CSMD2: variants seen among roughly 807,000 people sequenced by gnomAD.
CSMD2 encodes the protein CUB and sushi domain-containing protein 2.
A neutral mutation model predicts 398.5 loss-of-function variants in CSMD2; 130 were observed. The ratio of observed to expected loss-of-function variants is 0.33; its 90% CI spans 0.28 to 0.38. The LOEUF is 0.38. CSMD2 is among the 10% of genes least tolerant of loss of function. The pLI, the probability that CSMD2 is intolerant of heterozygous loss-of-function variation, is 1.00. For synonymous variants in CSMD2, 1,828 were observed against 1,908.5 expected, an observed-to-expected ratio of 0.96 and a Z score of 1.10; for missense variants, 3,829 against 4,764.9, an observed-to-expected ratio of 0.80 and a Z score of 5.78.
At chr1:34,069,885 C>T (rs1391105240) in intron 2 of CSMD2, among the ~76,000 whole-genome samples, 1 of 152,112 alleles carries the variant, frequency 6.6e-6, no homozygotes, top group Non-Finnish European at 1.5e-5. Flanking sequence ...AACATTTGTG[C>T]AATTTAAATC....
At chr1:33,541,412 G>A (rs780482916) in intron 58 of CSMD2, 103 bp from the exon 59 acceptor site, 7 of 863,154 alleles carry the variant, frequency 8.1e-6, no homozygotes, top group Non-Finnish European at 1.3e-5. Context: ...AAGGGAAACT[G>A]TCAGATCAGG....
chr1:33,938,960 G>A (rs1007760274), intron 3 of CSMD2, among the ~76,000 whole-genome samples: 2 of 148,922 alleles, frequency 1.3e-5, no homozygotes, highest in Non-Finnish European at 3.0e-5. Flanking sequence ...CCATGCTGCT[G>A]GCTTAGTTGG....
At chr1:33,915,298 G>A (rs748758989) in intron 5 of CSMD2, among the ~76,000 whole-genome samples, 5 of 152,138 alleles carry the variant, frequency 3.3e-5, no homozygotes, top group African/African-American at 1.2e-4. Flanking sequence ...AATTTTTACA[G>A]GAATCCAGGG....
intron 12 of CSMD2, among the ~76,000 whole-genome samples, chr1:33,782,441 A>G (rs1406757241): frequency 2.0e-5 from 3 of 152,284 alleles, no homozygotes; most frequent in East Asian, 3.9e-4. Context: ...AAAGATAACC[A>G]TTCATCAGCC....
rs57125037 is a variant in CSMD2 at position 34,163,696 on chromosome 1, G to A, written c.187+1215C>T. Among the ~76,000 whole-genome samples the A allele has an allele frequency of 0.049, 7,514 of 152,210 alleles. 241 individuals are homozygous for A. Among genetic ancestry groups the A allele is most frequent in the Admixed American group, 0.088 (1,343 of 15,294 alleles). ...AACAAAAAAGAAAACACGGCTCCAG[G>A]TCGAAGGTGCCCTAGGTCTAGGCCT... On this transcript the variant is annotated intron_variant, in intron 1 of 70. Transcript: ENST00000373381. The surrounding 1 kb of genome is among the most constrained non-coding windows in gnomAD (Gnocchi z 5.4).
chr1:33,852,936 A>G (rs1016015651), intron 5 of CSMD2, among the ~76,000 whole-genome samples: 3 of 152,344 alleles, frequency 2.0e-5, no homozygotes, highest in East Asian at 3.9e-4. Flanking sequence ...TGACTTGCAA[A>G]GCCCAAAATA....
intron 2 of CSMD2, among the ~76,000 whole-genome samples, chr1:34,057,982 C>T (rs1280716583): frequency 6.6e-6 from 1 of 152,148 alleles, no homozygotes; most frequent in East Asian, 1.9e-4. Flanking sequence ...TTCTGGCAGG[C>T]TTGGCTTCTC....
intron 65 of CSMD2, among the ~76,000 whole-genome samples, chr1:33,526,770 T>G (rs2794593): frequency 0.69 from 104,457 of 152,116 alleles, 36,048 homozygotes; most frequent in African/African-American, 0.74. Flanking sequence ...AATTTGGTAT[T>G]GGTCAGGCCA....
At chr1:34,013,648 G>A (rs1647681385) in intron 3 of CSMD2, among the ~76,000 whole-genome samples, 1 of 152,124 alleles carries the variant, frequency 6.6e-6, no homozygotes, top group Non-Finnish European at 1.5e-5. Flanking sequence ...TACAACTGCT[G>A]CAAGAACCAG....
intron 13 of CSMD2, among the ~76,000 whole-genome samples, chr1:33,750,350 T>A (rs1648052004): frequency 6.6e-6 from 1 of 152,108 alleles, no homozygotes; most frequent in Admixed American, 6.6e-5. Flanking sequence ...GCTTCCTGTA[T>A]CTCAACTCAT....
intron 2 of CSMD2, among the ~76,000 whole-genome samples, chr1:34,063,233 C>T (rs761703726): frequency 3.9e-5 from 6 of 152,132 alleles, no homozygotes; most frequent in African/African-American, 7.2e-5. Context: ...CTCATGTCCT[C>T]GTATTTCAAA....
intron 3 of CSMD2, among the ~76,000 whole-genome samples, chr1:33,981,970 T>C (rs1646186271): frequency 6.6e-6 from 1 of 152,126 alleles, no homozygotes; most frequent in South Asian, 2.1e-4. Context: ...CTGGGTGCCC[T>C]GATCAGAGTG....
At chr1:34,031,185 C>T (rs1194353226) in intron 3 of CSMD2, among the ~76,000 whole-genome samples, 1 of 151,790 alleles carries the variant, frequency 6.6e-6, no homozygotes, top group Non-Finnish European at 1.5e-5. Flanking sequence ...GCCTCAGCCT[C>T]CCAAGTAGCT....
intron 5 of CSMD2, among the ~76,000 whole-genome samples, chr1:33,897,091 C>T (rs1315459471): frequency 7.2e-5 from 11 of 152,042 alleles, no homozygotes; most frequent in Admixed American, 7.2e-4. Context: ...GAAGATGAAC[C>T]AGAAGCTAAA....
rs567953894 is a variant in CSMD2 at position 34,058,833 on chromosome 1, A to G, written c.405-26127T>C. Among the ~76,000 whole-genome samples, 21 of 152,104 alleles carry G rather than the reference A, an allele frequency of 1.4e-4. No individual in the cohort carries two copies. In the East Asian group the frequency reaches 3.7e-3, roughly 27 times the overall value. On this transcript the variant is annotated intron_variant, in intron 2 of 70. Coordinates refer to ENST00000373381, the MANE Select transcript of CSMD2 (RefSeq NM_001281956.2). ...CCCTGAATTACATGATTGCTCTACC[A>G]CCTGCCAGACATGAAGCCGTTTTAC...
At position 33,867,174 on chromosome 1, in the gene CSMD2, C is replaced by T. The variant is rs75203176; in HGVS notation, c.921-20178G>A. Among the ~76,000 whole-genome samples the T allele has an allele frequency of 1.7e-3, 263 of 152,310 alleles. 2 individuals carry two copies. The highest frequency in any genetic ancestry group is 6.1e-3 in the African/African-American group (252 of 41,556). On this transcript the variant is annotated intron_variant, in intron 5 of 70. Coordinates refer to ENST00000373381, the MANE Select transcript of CSMD2 (RefSeq NM_001281956.2). Reference sequence around the variant, plus strand: ...CTAGCCACTTTGCTCTAGGGATTCTCCTTGCTGCTTGATGAAGTAAGTGGT... The same window carrying T: ...CTAGCCACTTTGCTCTAGGGATTCTTCTTGCTGCTTGATGAAGTAAGTGGT...
chr1:34,034,109 T>G (rs1274723219), intron 2 of CSMD2, among the ~76,000 whole-genome samples: 1 of 152,116 alleles, frequency 6.6e-6, no homozygotes, highest in African/African-American at 2.4e-5. Flanking sequence ...ATCATACATA[T>G]TATAAGGAAA....
chr1:34,117,733 G>A (rs1661749779), intron 1 of CSMD2, among the ~76,000 whole-genome samples: 1 of 151,762 alleles, frequency 6.6e-6, no homozygotes, highest in African/African-American at 2.4e-5. Context: ...CAAAATACTA[G>A]CAAATGAAAT....
intron 1 of CSMD2, among the ~76,000 whole-genome samples, chr1:34,142,338 A>C (rs1273300119): frequency 6.6e-6 from 1 of 152,162 alleles, no homozygotes; most frequent in Non-Finnish European, 1.5e-5. Flanking sequence ...CCTTGGAGCC[A>C]AGGCCCAAGA....
Sources: gnomAD v4.1 joint callset for allele counts (sites outside exome capture counted in the v4.1 genomes callset) on GRCh38, gnomAD v4.1.1 for gene constraint, Gnocchi (gnomAD v3.1) non-coding constraint, MANE v1.5 for transcripts, NCBI Gene and HGNC (gene_info 2026-07-23, HGNC 2026-07-21) for gene names.